ALDH16A1: variants seen among roughly 807,000 people sequenced by gnomAD.
ALDH16A1 encodes the protein aldehyde dehydrogenase 16 family member A1.
ALDH16A1 carries 88 observed loss-of-function variants against 96.1 expected under a neutral mutation model. The ratio of observed to expected loss-of-function variants is 0.92; its 90% confidence interval spans 0.77 to 1.09. ALDH16A1 has a LOEUF of 1.09. ALDH16A1 is among the 50% of genes least tolerant of loss of function. The pLI is 0.00. For missense variants in ALDH16A1, 1,250 were observed against 1,112.6 expected, an observed-to-expected ratio of 1.12 and a Z score of -1.76; for synonymous variants, 522 against 496.4, an observed-to-expected ratio of 1.05 and a Z score of -0.69.
chr19:49,454,142 C>A (rs1225805868), intron 1 of ALDH16A1, among the ~76,000 whole-genome samples: 1 of 151,500 alleles, frequency 6.6e-6, no homozygotes, highest in Non-Finnish European at 1.5e-5. Flanking sequence ...CTCACCTCAG[C>A]CCCCCAAGTA....
At chr19:49,461,067 G>A in intron 5 of ALDH16A1, among the ~76,000 whole-genome samples, 168 bp downstream of exon 5, 1 of 150,976 alleles carries the variant, frequency 6.6e-6, no homozygotes, top group South Asian at 2.1e-4. Flanking sequence ...GAGGGAGGAG[G>A]AGCTGGAGTC....
chr19:49,465,757 C>G lies in ALDH16A1; in HGVS notation c.1588C>G (p.Leu530Val). 1 of 1,613,810 alleles carries G rather than the reference C, an allele frequency of 6.2e-7. No individual in the cohort carries two copies. Residue 530 changes from leucine to valine, a missense_variant, in exon 13 of 17, where the codon CTC (leucine) becomes GTC (valine). Coordinates refer to ENST00000293350, the MANE Select transcript of ALDH16A1 (RefSeq NM_153329.4). ...CTCCAGCCCAGCACCCCCCTATGGG[C>G]TCTTCGTTGGGGGCCGTTTCCAGGC... Reference protein sequence around the residue: ...IGPSPAPPYGLFVGGRFQAPG... With the variant: ...IGPSPAPPYGVFVGGRFQAPG...
chr19:49,468,990 C>G lies in ALDH16A1; in HGVS notation c.2247+4C>G. 2 of 1,604,582 alleles carry G rather than the reference C, an allele frequency of 1.2e-6. No homozygotes were observed. The highest frequency in any genetic ancestry group is 1.7e-6 in the Non-Finnish European group (2 of 1,173,922). On this transcript the variant is annotated splice_donor_region_variant and intron_variant, in intron 16 of 16. Coordinates refer to ENST00000293350, the MANE Select transcript of ALDH16A1 (RefSeq NM_153329.4). The surrounding 1 kb of genome is among the most constrained non-coding windows in gnomAD (Gnocchi z 4.4). Reference sequence around the variant, plus strand: ...GTGGTATTTCGGATCAGCCCAGGTGCTCTTTGTTCTGTTTTGCCATCTTCA... The same window carrying G: ...GTGGTATTTCGGATCAGCCCAGGTGGTCTTTGTTCTGTTTTGCCATCTTCA...
In ALDH16A1 at chr19:49,459,644, T is replaced by C. The variant is rs1275354894; in HGVS notation, c.321-26T>C. 3.2e-6 allele frequency: 5 copies of C among 1,583,286 alleles called. No homozygotes were observed. Among genetic ancestry groups the C allele is most frequent in the Non-Finnish European group, 4.3e-6 (5 of 1,165,074 alleles). ...TGCAAGGCTGAGGGCCGTTGGAAAA[T>C]GAGCACCCTCTTGCTTTCTCGACAG... On this transcript the variant is annotated intron_variant, in intron 3 of 16. Coordinates refer to ENST00000293350, the MANE Select transcript of ALDH16A1 (RefSeq NM_153329.4). The surrounding 1 kb of genome is among the most constrained non-coding windows in gnomAD (Gnocchi z 4.1).
Position 49,462,690 on chromosome 19 carries a change from C to T in ALDH16A1, c.1033C>T (p.Arg345Trp), listed in dbSNP as rs746206164. The change falls in exon 8 of 17, where the codon CGG (arginine) becomes TGG (tryptophan). Residue 345 changes from arginine (R) to tryptophan (W), a missense_variant. Coordinates refer to ENST00000293350, the MANE Select transcript of ALDH16A1 (RefSeq NM_153329.4). Reference protein sequence around the residue: ...GLDGAVDMGARGAAACDLVQR... With the variant: ...GLDGAVDMGAWGAAACDLVQR... ...GGATGGGGCCGTGGACATGGGGGCCCGGGGGGCTGCCGCATGTGACCTGGT... is the reference window on the plus strand; with the variant it reads ...GGATGGGGCCGTGGACATGGGGGCCTGGGGGGCTGCCGCATGTGACCTGGT... 14 of 1,607,672 alleles carry T rather than the reference C, an allele frequency of 8.7e-6. No individual in the cohort carries two copies. Among genetic ancestry groups the T allele is most frequent in the African/African-American group, 2.7e-5 (2 of 74,560 alleles).
chr19:49,467,207 A>G (rs905765540), intron 14 of ALDH16A1, among the ~76,000 whole-genome samples: 11 of 152,174 alleles, frequency 7.2e-5, no homozygotes, highest in Admixed American at 7.2e-4. Context: ...TTTTGCAGAG[A>G]CAAGAGACTC....
At position 49,468,645 on chromosome 19, in the gene ALDH16A1, C is replaced by T. The variant is rs1007354257; in HGVS notation, c.2124+79C>T. 6.5e-7 allele frequency: 1 copy of T among 1,531,336 alleles called. No homozygotes were observed. Among genetic ancestry groups the T allele is most frequent in the Non-Finnish European group, 8.8e-7 (1 of 1,134,542 alleles). 94.9% of individuals were successfully genotyped at this position (1,531,336 alleles called of 1,614,324 possible). On this transcript the variant is annotated intron_variant, in intron 15 of 16. Transcript: ENST00000293350. This position sits in a 1 kb window ranked among gnomAD's most constrained non-coding sequence, Gnocchi z 4.4. ...AAAGGCGCCCCAAAGTCGGCAGGAG[C>T]TTGTCTCTTACCCCACCCTCCGTGG...
At chr19:49,454,711 G>A (rs1319741677) in intron 1 of ALDH16A1, among the ~76,000 whole-genome samples, 2 of 152,206 alleles carry the variant, frequency 1.3e-5, no homozygotes, top group Non-Finnish European at 2.9e-5. Context: ...GAAGGAACTG[G>A]ATCAGAACCC....
intron 16 of ALDH16A1, 99 bp from the exon 17 acceptor site, chr19:49,470,207 C>T (rs368800717): frequency 2.8e-6 from 4 of 1,443,340 alleles, no homozygotes; most frequent in African/African-American, 1.4e-5. Flanking sequence ...CTGGGTCCAG[C>T]CTGAAGCCCC....
intron 1 of ALDH16A1, among the ~76,000 whole-genome samples, chr19:49,455,872 C>T (rs1427223440): frequency 1.3e-5 from 2 of 152,338 alleles, no homozygotes; most frequent in East Asian, 3.9e-4. Context: ...AACATGTTTT[C>T]TTTGGCGTGA....
At chr19:49,460,972 G>T in intron 5 of ALDH16A1, 73 bp downstream of exon 5, 1 of 1,500,728 alleles carries the variant, frequency 6.7e-7, no homozygotes, top group Admixed American at 1.7e-5. Context: ...AAACTCCAGA[G>T]TCTGAGAGAC....
Position 49,458,499 on chromosome 19 carries a change from C to T in ALDH16A1, c.104C>T (p.Thr35Ile), listed in dbSNP as rs1360794143. The change falls in exon 2 of 17, where the codon ACC (threonine) becomes ATC (isoleucine). Residue 35 changes from threonine (T) to isoleucine (I), a missense_variant. Thr to Ile is a moderately conservative substitution (Grantham distance 89). Coordinates refer to ENST00000293350, the MANE Select transcript of ALDH16A1 (RefSeq NM_153329.4). ...SHACALAWLD[T>I]QDRCLGHYVN... ...TACCTCCCCCAGGCCTGGCTGGACA[C>T]CCAGGACCGGTGCTTGGGCCACTAT... 6.4e-7 allele frequency: 1 copy of T among 1,562,652 alleles called. No individual in the cohort carries two copies. Among genetic ancestry groups the T allele is most frequent in the Non-Finnish European group, 8.7e-7 (1 of 1,151,658 alleles).
chr19:49,464,204 CG>C lies in ALDH16A1; in HGVS notation c.1277del (p.Gly426AlafsTer76), dbSNP rs769020141. ...ALLVANGTPR[G>X]GSASVWSERL... Reference sequence around the variant, plus strand: ...TGTTGGTGGCCAACGGGACGCCCCGCGGGGGCAGCGCCAGTGTGTGGAGCGA... The same window carrying C: ...TGTTGGTGGCCAACGGGACGCCCCGCGGGGCAGCGCCAGTGTGTGGAGCGA... On this transcript the variant is annotated frameshift_variant, in exon 10 of 17. Transcript: ENST00000293350. LOFTEE classifies it high-confidence loss of function. 3 of 1,605,906 alleles carry C rather than the reference CG, an allele frequency of 1.9e-6. No homozygotes were observed. Among genetic ancestry groups the C allele is most frequent in the Non-Finnish European group, 2.5e-6 (3 of 1,179,372 alleles).
At position 49,466,251 on chromosome 19, in the gene ALDH16A1, G is replaced by A. The variant is rs761207487; in HGVS notation, c.1906G>A (p.Ala636Thr). The change falls in exon 14 of 17, where the codon GCC (alanine) becomes ACC (threonine). Residue 636 changes from alanine (A) to threonine (T), a missense_variant. By Grantham distance (58) the Ala-to-Thr change is moderately conservative. Coordinates refer to ENST00000293350, the MANE Select transcript of ALDH16A1 (RefSeq NM_153329.4). ...LSARRLRAWG[A>T]RVQAQGHTLQ... ...CGCAAGACGACTTCGGGCGTGGGGGGCCCGGGTGCAGGCCCAAGGCCACAC... is the reference window on the plus strand; with the variant it reads ...CGCAAGACGACTTCGGGCGTGGGGGACCCGGGTGCAGGCCCAAGGCCACAC... 11 of 1,478,630 alleles carry A rather than the reference G, an allele frequency of 7.4e-6. No individual in the cohort carries two copies. Among genetic ancestry groups the A allele is most frequent in the African/African-American group, 4.2e-5 (3 of 71,546 alleles). 91.6% of individuals were successfully genotyped at this position (1,478,630 alleles called of 1,614,324 possible).
chr19:49,462,744 C>T lies in ALDH16A1; in HGVS notation c.1087C>T (p.Gln363Ter). 1 of 1,584,170 alleles carries T rather than the reference C, an allele frequency of 6.3e-7. No individual in the cohort carries two copies. Among genetic ancestry groups the T allele is most frequent in the Non-Finnish European group, 8.6e-7 (1 of 1,166,682 alleles). ...GCGCTTTGTGCGTGAGGCCCAGAGCCAGGGTGCACAGGTGAGGCAGGGGGT... is the reference window on the plus strand; with the variant it reads ...GCGCTTTGTGCGTGAGGCCCAGAGCTAGGGTGCACAGGTGAGGCAGGGGGT... Reference protein sequence around the residue: ...VQRFVREAQSQGAQVFQAGDV... With the variant: ...VQRFVREAQS Residue 363 changes from glutamine to a stop codon, truncating the protein, a stop_gained, in exon 8 of 17, where the codon CAG becomes TAG. Transcript: ENST00000293350. LOFTEE classifies it high-confidence loss of function.
Position 49,470,805 on chromosome 19 carries a change from C to T in ALDH16A1, c.*338C>T, listed in dbSNP as rs1019826865. 14 of 201,564 alleles carry T rather than the reference C, an allele frequency of 6.9e-5. No homozygotes were observed. Among genetic ancestry groups the T allele is most frequent in the Middle Eastern group, 1.7e-3 (1 of 582 alleles). The allele number at this position is 201,564 out of a possible 1,614,324, so 12.5% of individuals were successfully genotyped here. On this transcript the variant is annotated 3_prime_UTR_variant, in exon 17 of 17. Transcript: ENST00000293350. ...CTGGGGCCACAGACATGCACCACCA[C>T]ACCTGGCTCGAGGCCATTTTAGTTC...
chr19:49,466,168 C>T lies in ALDH16A1; in HGVS notation c.1823C>T (p.Ser608Leu), dbSNP rs978835076. The change falls in exon 14 of 17, where the codon TCG (serine) becomes TTG (leucine). Residue 608 changes from serine to leucine, a missense_variant. By Grantham distance (145) the Ser-to-Leu change is moderately radical. Transcript: ENST00000293350. The stretch of plus-strand genomic sequence containing the variant: ...GAGCGCCGGAAGTCTACCCTGGCCT[C>T]GAGGCTGGAGAGGCAGGGAGCGGAG... ...ALERRKSTLASRLERQGAELK... is the reference protein window; with the variant it reads ...ALERRKSTLALRLERQGAELK... 11 of 1,560,388 alleles carry T rather than the reference C, an allele frequency of 7.0e-6. No individual in the cohort carries two copies. The highest frequency in any genetic ancestry group is 2.7e-5 in the African/African-American group (2 of 73,962).
intron 4 of ALDH16A1, among the ~76,000 whole-genome samples, 194 bp from the exon 5 acceptor site, chr19:49,460,628 G>A (rs1295235512): frequency 6.6e-6 from 1 of 151,780 alleles, no homozygotes; most frequent in Admixed American, 6.6e-5. Context: ...TGGTCAGGCT[G>A]GTCTCGAACT....
In ALDH16A1 at chr19:49,454,019, G is replaced by GGTTTTTTTTGT. The variant is rs1568645942; in HGVS notation, c.90+607_90+608insGTGTTTTTTTT. Among the ~76,000 whole-genome samples, 4 of 79,340 alleles carry GGTTTTTTTTGT rather than the reference G, an allele frequency of 5.0e-5. 1 individual carries two copies. The highest frequency in any genetic ancestry group is 5.8e-5 in the Non-Finnish European group (2 of 34,714). 52.1% of individuals were successfully genotyped at this position (79,340 alleles called of 152,430 possible). A position where few individuals can be genotyped will look rare whatever the true frequency, so the allele number is the denominator to read the frequency against. ...ACATCAGGACTTCCGGTTTGGGTTG[G>GGTTTTTTTTGT]GTTTTTTTTTTGTTTTTTTTTTTGA... On this transcript the variant is annotated intron_variant, in intron 1 of 16. Transcript: ENST00000293350.
Sources: allele counts gnomAD v4.1 joint callset (sites outside exome capture counted in the v4.1 genomes callset), GRCh38; gene constraint gnomAD v4.1.1; non-coding constraint Gnocchi (gnomAD v3.1); transcripts MANE v1.5; gene names NCBI Gene and HGNC (gene_info 2026-07-23, HGNC 2026-07-21).